Variants in VTI1A observed in about 807,000 individuals in gnomAD.
VTI1A encodes vesicle transport through interaction with t-SNAREs 1A.
A neutral mutation model predicts 34.9 loss-of-function variants in VTI1A; 22 were observed. That is an observed-to-expected ratio of 0.63 (90% CI 0.45 to 0.90). VTI1A has a LOEUF of 0.90. Ranked by LOEUF, VTI1A falls within the 40% of genes least tolerant of loss-of-function variation. VTI1A has a pLI of 0.00. For missense variants in VTI1A, 268 were observed against 275.6 expected (o/e 0.97, Z 0.20); for synonymous variants, 87 against 97.3 (o/e 0.89, Z 0.62).
chr10:112,664,718 G>A (rs1847581612), intron 5 of VTI1A, among the ~76,000 whole-genome samples: 1 of 152,130 alleles, frequency 6.6e-6, no homozygotes, highest in Non-Finnish European at 1.5e-5. Flanking sequence ...ATGGATCAAG[G>A]ATATGATTGA....
chr10:112,452,565 T>C (rs1182010157), intron 1 of VTI1A, among the ~76,000 whole-genome samples: 1 of 42,750 alleles, frequency 2.3e-5, no homozygotes, highest in Non-Finnish European at 5.8e-5. Flanking sequence ...AGACTCTGTC[T>C]CAAAAAAAAA....
intron 5 of VTI1A, among the ~76,000 whole-genome samples, chr10:112,657,380 AGAG>A (rs1847269118): frequency 6.6e-6 from 1 of 152,166 alleles, no homozygotes; most frequent in African/African-American, 2.4e-5. Context: ...TGTGCTCAGA[AGAG>A]TCAAGATATA....
chr10:112,719,304 C>T (rs949963121), intron 7 of VTI1A, among the ~76,000 whole-genome samples: 6 of 152,158 alleles, frequency 3.9e-5, no homozygotes, highest in Admixed American at 6.5e-5. Flanking sequence ...GGGTTTAAAG[C>T]AGTTGAATGT....
chr10:112,479,256 ACT>A (rs1848385218), intron 3 of VTI1A, among the ~76,000 whole-genome samples: 1 of 151,444 alleles, frequency 6.6e-6, no homozygotes, highest in African/African-American at 2.4e-5. Context: ...GAGGAGGAAG[ACT>A]CTGTAGTACG....
At chr10:112,502,024 CTTTT>C (rs71489973) in intron 3 of VTI1A, among the ~76,000 whole-genome samples, 5 of 119,316 alleles carry the variant, frequency 4.2e-5, no homozygotes, top group Non-Finnish European at 8.7e-5. Flanking sequence ...AGAATCCTTA[CTTTT>C]TTTTTTTTTT....
intron 5 of VTI1A, among the ~76,000 whole-genome samples, chr10:112,576,431 C>T (rs1460235517): frequency 6.6e-6 from 1 of 152,174 alleles, no homozygotes; most frequent in Non-Finnish European, 1.5e-5. Context: ...AGGCACTGTG[C>T]TAACATTCAG....
chr10:112,678,725 A>G (rs549825341), intron 7 of VTI1A, among the ~76,000 whole-genome samples: 1 of 152,360 alleles, frequency 6.6e-6, no homozygotes, highest in South Asian at 2.1e-4. Context: ...AAGCTCAGTA[A>G]CAGCTCATGC....
rs1054489122 is a variant in VTI1A, at chr10:112,642,084, G to T, written c.428-26134G>T. Among the ~76,000 whole-genome samples, 16 of 152,178 alleles carry T rather than the reference G, an allele frequency of 1.1e-4. 2 individuals are homozygous for T. The highest frequency in any genetic ancestry group is 7.3e-5 in the Non-Finnish European group (5 of 68,040). ...AACTTATATGTGTCTTGTGCCTTTT[G>T]TGTCAGCAGGGTTTCTGTAGGCCTC... On this transcript the variant is annotated intron_variant, in intron 5 of 7. Coordinates refer to ENST00000393077, the MANE Select transcript of VTI1A (RefSeq NM_145206.4).
At chr10:112,519,194 C>A (rs780155205) in intron 3 of VTI1A, among the ~76,000 whole-genome samples, 1 of 152,076 alleles carries the variant, frequency 6.6e-6, no homozygotes, top group Non-Finnish European at 1.5e-5. Flanking sequence ...TGATTCCAAT[C>A]TAGAATTTTG....
chr10:112,754,995 G>A (rs1014002747), intron 7 of VTI1A, among the ~76,000 whole-genome samples: 1 of 152,198 alleles, frequency 6.6e-6, no homozygotes, highest in Admixed American at 6.5e-5. Context: ...GGTGGCTCAT[G>A]CCTGTAATCC....
chr10:112,759,015 A>C (rs1414199379), intron 7 of VTI1A, among the ~76,000 whole-genome samples: 2 of 152,148 alleles, frequency 1.3e-5, no homozygotes, highest in African/African-American at 4.8e-5. Context: ...CTGTGCTGTG[A>C]AAGTGGCCTC....
chr10:112,792,591 G>A (rs1334225719), intron 7 of VTI1A, among the ~76,000 whole-genome samples: 1 of 152,084 alleles, frequency 6.6e-6, no homozygotes, highest in Non-Finnish European at 1.5e-5. Context: ...TCTCCTTTAT[G>A]AAAATTAAAA....
intron 7 of VTI1A, among the ~76,000 whole-genome samples, chr10:112,691,316 A>G (rs1848608723): frequency 6.6e-6 from 1 of 152,028 alleles, no homozygotes; most frequent in Non-Finnish European, 1.5e-5. Flanking sequence ...TGAAAGTTCC[A>G]CAGATAATTG....
At chr10:112,605,537 A>G (rs1404566826) in intron 5 of VTI1A, among the ~76,000 whole-genome samples, 1 of 152,064 alleles carries the variant, frequency 6.6e-6, no homozygotes, top group Non-Finnish European at 1.5e-5. Context: ...CTCTGTGCAC[A>G]CTGGAGGATC....
chr10:112,459,502 A>G (rs1847657323), intron 1 of VTI1A, among the ~76,000 whole-genome samples: 1 of 152,230 alleles, frequency 6.6e-6, no homozygotes, highest in Non-Finnish European at 1.5e-5. Context: ...AGCTAGGATT[A>G]GATGCCGGTC....
At chr10:112,576,874 CTG>C (rs1332333870) in intron 5 of VTI1A, among the ~76,000 whole-genome samples, 11 of 152,072 alleles carry the variant, frequency 7.2e-5, no homozygotes, top group Admixed American at 6.6e-4. Flanking sequence ...ACACACAAAA[CTG>C]AAATAAATAT....
At chr10:112,786,100 T>A (rs1852279977) in intron 7 of VTI1A, among the ~76,000 whole-genome samples, 1 of 152,228 alleles carries the variant, frequency 6.6e-6, no homozygotes, top group Non-Finnish European at 1.5e-5. Flanking sequence ...AATGGAATTG[T>A]TCCTCATTTA....
chr10:112,816,953 G>T lies in VTI1A; in HGVS notation c.*1570G>T, dbSNP rs1853540146. On this transcript the variant is annotated 3_prime_UTR_variant, in exon 8 of 8. Transcript: ENST00000393077. ...AATCATTTAGTATTGTGTAAATAAA[G>T]CTGCAGCCTTTACTTCGGAGGGATG... The T allele has an allele frequency of 4.3e-6, 1 of 231,466 alleles. No homozygotes were observed. Among genetic ancestry groups the T allele is most frequent in the Non-Finnish European group, 8.5e-6 (1 of 117,002 alleles). The allele number at this position is 231,466 out of a possible 1,614,324, so 14.3% of individuals were successfully genotyped here. A position where few individuals can be genotyped will look rare whatever the true frequency, so the allele number is the denominator to read the frequency against.
At chr10:112,763,240 A>G (rs993499087) in intron 7 of VTI1A, among the ~76,000 whole-genome samples, 1 of 152,048 alleles carries the variant, frequency 6.6e-6, no homozygotes, top group African/African-American at 2.4e-5. Context: ...GGAGATCGAG[A>G]CCATCCTGGC....
Sources: gnomAD v4.1 joint callset for allele counts (sites outside exome capture counted in the v4.1 genomes callset) on GRCh38, gnomAD v4.1.1 for gene constraint, MANE v1.5 for transcripts, NCBI Gene and HGNC (gene_info 2026-07-23, HGNC 2026-07-21) for gene names.